CTNNA2: variants seen among roughly 807,000 people sequenced by gnomAD.
The protein encoded by CTNNA2 is catenin alpha-2.
Under a neutral mutation model 101.0 loss-of-function variants are expected in CTNNA2, and 42 were observed. The ratio of observed to expected loss-of-function variants is 0.42; its 90% CI spans 0.32 to 0.54. The LOEUF (loss-of-function observed/expected upper bound fraction) is 0.54, where lower values mean the gene tolerates loss of function less well. CTNNA2 is among the 20% of genes least tolerant of loss of function. CTNNA2 has a pLI of 0.14. For missense variants in CTNNA2, 871 were observed against 1,223.1 expected (o/e 0.71, Z 4.29); for synonymous variants, 450 against 456.4 (o/e 0.99, Z 0.18).
intron 1 of CTNNA2, among the ~76,000 whole-genome samples, chr2:79,561,497 G>C (rs959044513): frequency 1.3e-5 from 2 of 151,738 alleles, no homozygotes; most frequent in South Asian, 4.2e-4. Flanking sequence ...TCAATTTTTT[G>C]AGCAACTTGC....
At chr2:79,663,577 C>T (rs1343954668) in intron 2 of CTNNA2, among the ~76,000 whole-genome samples, 1 of 152,184 alleles carries the variant, frequency 6.6e-6, no homozygotes, top group Non-Finnish European at 1.5e-5. Flanking sequence ...GGCTCCCTTA[C>T]ATCTTTCGGC....
At chr2:79,919,571 C>T (rs1050247024) in intron 7 of CTNNA2, among the ~76,000 whole-genome samples, 1 of 152,146 alleles carries the variant, frequency 6.6e-6, no homozygotes, top group African/African-American at 2.4e-5. Flanking sequence ...CAGCACATAC[C>T]TGGACAGCAC....
At position 80,564,873 on chromosome 2, in the gene CTNNA2, G is replaced by T. The variant is rs146258430; in HGVS notation, c.1741+8980G>T. Among the ~76,000 whole-genome samples the T allele has an allele frequency of 2.4e-3, 359 of 152,232 alleles. 3 individuals carry two copies. The highest frequency in any genetic ancestry group is 7.2e-3 in the African/African-American group (299 of 41,554). ...CTCCTGGATTCCAATTTTCAACTTC[G>T]AACCTGATGTCTCAAGACAGAAGAG... is the stretch of plus-strand genomic sequence containing the variant. On this transcript the variant is annotated intron_variant, in intron 12 of 18. Coordinates refer to ENST00000402739, the MANE Select transcript of CTNNA2 (RefSeq NM_001282597.3).
chr2:80,067,556 T>C (rs1004562955), intron 7 of CTNNA2, among the ~76,000 whole-genome samples: 3 of 152,214 alleles, frequency 2.0e-5, no homozygotes, highest in Non-Finnish European at 4.4e-5. Flanking sequence ...AGGAAAATTA[T>C]TTTTATCTGC....
chr2:79,546,737 T>C (rs1433240800), intron 1 of CTNNA2, among the ~76,000 whole-genome samples: 1 of 152,212 alleles, frequency 6.6e-6, no homozygotes. Context: ...AATGGCATGT[T>C]AACTCACTGG....
At chr2:79,316,665 AT>A (rs1273189898) in intron 3 of CTNNA2, among the ~76,000 whole-genome samples, 1 of 151,752 alleles carries the variant, frequency 6.6e-6, no homozygotes, top group Non-Finnish European at 1.5e-5. Flanking sequence ...ACATTTTACT[AT>A]TTTTAATATA....
chr2:80,620,301 A>G (rs1366880322), intron 18 of CTNNA2, among the ~76,000 whole-genome samples: 1 of 146,628 alleles, frequency 6.8e-6, no homozygotes, highest in East Asian at 2.0e-4. Context: ...CATGATGAAC[A>G]TTTGTGTTGG....
intron 5 of CTNNA2, among the ~76,000 whole-genome samples, chr2:79,505,524 C>T (rs1023350072): frequency 6.6e-6 from 1 of 152,146 alleles, no homozygotes; most frequent in African/African-American, 2.4e-5. Context: ...TGTTTTTGTT[C>T]CATGCTCCCA....
At chr2:80,110,900 A>G (rs1255593783) in intron 7 of CTNNA2, among the ~76,000 whole-genome samples, 1 of 152,224 alleles carries the variant, frequency 6.6e-6, no homozygotes, top group African/African-American at 2.4e-5. Flanking sequence ...GACATACCCA[A>G]GACTAGGTAA....
intron 3 of CTNNA2, among the ~76,000 whole-genome samples, chr2:79,763,829 C>T (rs1473022021): frequency 6.6e-6 from 1 of 152,190 alleles, no homozygotes; most frequent in Non-Finnish European, 1.5e-5. Context: ...AATAAGAGGA[C>T]TAGGACATAG....
In CTNNA2 at chr2:80,511,876, C is replaced by A. The variant is rs139584071; in HGVS notation, c.1291-33106C>A. Among the ~76,000 whole-genome samples, 4 of 152,076 alleles carry A rather than the reference C, an allele frequency of 2.6e-5. No homozygotes were observed. In the South Asian group the frequency reaches 8.3e-4, roughly 32 times the overall value. On this transcript the variant is annotated intron_variant, in intron 9 of 18. Coordinates refer to ENST00000402739, the MANE Select transcript of CTNNA2 (RefSeq NM_001282597.3). ...GTTAAAAGTATGTAGGAGGGCCAGG[C>A]GTGGTGGCTTATGCCTGTAATCCCA...
chr2:79,644,318 G>A (rs112079001), intron 1 of CTNNA2, among the ~76,000 whole-genome samples: 9,044 of 152,206 alleles, frequency 0.059, 776 homozygotes, highest in African/African-American at 0.19. Flanking sequence ...GATTACAGGC[G>A]TAAGCCACCG....
chr2:79,199,328 C>G (rs982516021), intron 2 of CTNNA2, among the ~76,000 whole-genome samples: 1 of 152,138 alleles, frequency 6.6e-6, no homozygotes, highest in Non-Finnish European at 1.5e-5. Context: ...CTTGTCCCCA[C>G]AAATAAAACA....
chr2:79,806,580 G>A (rs943333841), intron 3 of CTNNA2, among the ~76,000 whole-genome samples: 1 of 151,984 alleles, frequency 6.6e-6, no homozygotes, highest in Non-Finnish European at 1.5e-5. Flanking sequence ...GCCATCCTGA[G>A]CAAACAGAGG....
chr2:79,989,896 A>G (rs767804314), intron 7 of CTNNA2, among the ~76,000 whole-genome samples: 4 of 152,178 alleles, frequency 2.6e-5, no homozygotes, highest in Non-Finnish European at 4.4e-5. Context: ...ATTGAACTAG[A>G]TATCTATCTG....
intron 6 of CTNNA2, among the ~76,000 whole-genome samples, chr2:79,892,574 A>G (rs1012118365): frequency 1.2e-4 from 19 of 152,228 alleles, no homozygotes; most frequent in Admixed American, 5.9e-4. Flanking sequence ...TAAATAATAA[A>G]ACACATGACA....
chr2:79,262,075 T>A (rs1360911931), intron 2 of CTNNA2, among the ~76,000 whole-genome samples: 2 of 152,200 alleles, frequency 1.3e-5, no homozygotes, highest in African/African-American at 4.8e-5. Flanking sequence ...CACAGAGATT[T>A]TAACATCACT....
chr2:79,796,899 G>A (rs914451808), intron 3 of CTNNA2, among the ~76,000 whole-genome samples: 33 of 152,068 alleles, frequency 2.2e-4, no homozygotes. Context: ...AACAGTGCAG[G>A]GATGAGATAG....
intron 7 of CTNNA2, among the ~76,000 whole-genome samples, chr2:80,212,291 G>A (rs934277222): frequency 1.3e-5 from 2 of 152,140 alleles, no homozygotes; most frequent in Non-Finnish European, 2.9e-5. Flanking sequence ...TCCTTGTCTT[G>A]TGCCAGTTTT....
Sources: allele counts gnomAD v4.1 joint callset (sites outside exome capture counted in the v4.1 genomes callset), GRCh38; gene constraint gnomAD v4.1.1; transcripts MANE v1.5; gene names NCBI Gene and HGNC (gene_info 2026-07-23, HGNC 2026-07-21).